Variants in PSD3 observed in about 807,000 individuals in gnomAD.
PSD3 encodes PH and SEC7 domain-containing protein 3.
Under a neutral mutation model 105.5 loss-of-function variants are expected in PSD3, and 49 were observed. That is an observed-to-expected ratio of 0.46 (90% CI 0.37 to 0.59). The LOEUF is 0.59. Among genes scored for constraint, PSD3 ranks in the 20% least tolerant of loss-of-function variants. The pLI, the probability that PSD3 is intolerant of heterozygous loss-of-function variation, is 0.00. For missense variants in PSD3, 1,561 were observed against 1,263.8 expected (o/e 1.24, Z -3.57); for synonymous variants, 557 against 457.8 (o/e 1.22, Z -2.77).
At chr8:18,651,618 TA>T (rs1006460862) in intron 10 of PSD3, among the ~76,000 whole-genome samples, 3 of 152,208 alleles carry the variant, frequency 2.0e-5, no homozygotes, top group Admixed American at 6.5e-5. Flanking sequence ...GCTTACAATC[TA>T]ATGGCACATT....
chr8:18,714,916 G>C (rs746145214), intron 9 of PSD3, among the ~76,000 whole-genome samples: 1 of 152,156 alleles, frequency 6.6e-6, no homozygotes, highest in East Asian at 1.9e-4. Context: ...TACAGAAAAC[G>C]TGGCACATAT....
At chr8:19,019,419 G>A (rs1827289980) in intron 1 of PSD3, among the ~76,000 whole-genome samples, 1 of 152,046 alleles carries the variant, frequency 6.6e-6, no homozygotes, top group East Asian at 1.9e-4. Context: ...AAAGGAAAGG[G>A]TTTTTATTTT....
At chr8:18,723,379 T>C (rs1162763514) in intron 9 of PSD3, among the ~76,000 whole-genome samples, 1 of 152,256 alleles carries the variant, frequency 6.6e-6, no homozygotes, top group East Asian at 1.9e-4. Flanking sequence ...AATTTTTCTT[T>C]CATTTTTGCA....
chr8:18,608,649 T>A (rs1389030253), intron 11 of PSD3, among the ~76,000 whole-genome samples: 1 of 152,222 alleles, frequency 6.6e-6, no homozygotes, highest in Non-Finnish European at 1.5e-5. Flanking sequence ...TTTGTAAAAG[T>A]GAAATGCTTA....
intron 9 of PSD3, among the ~76,000 whole-genome samples, chr8:18,690,146 G>C (rs909413817): frequency 6.6e-6 from 1 of 152,152 alleles, no homozygotes; most frequent in Non-Finnish European, 1.5e-5. Flanking sequence ...ATAGAGGCCA[G>C]CTACTCATAA....
chr8:18,977,824 A>T (rs1175397390), intron 1 of PSD3, among the ~76,000 whole-genome samples: 2 of 152,038 alleles, frequency 1.3e-5, no homozygotes, highest in East Asian at 3.8e-4. Flanking sequence ...CTATTTTCTG[A>T]TTTTCCTAAA....
chr8:19,007,119 T>G (rs537601916), intron 1 of PSD3, among the ~76,000 whole-genome samples: 43 of 152,054 alleles, frequency 2.8e-4, no homozygotes, highest in African/African-American at 1.0e-3. Flanking sequence ...CAGGCATGAT[T>G]GGTGCACACC....
At chr8:19,083,774 T>C (rs1034467136) in intron 1 of PSD3, among the ~76,000 whole-genome samples, 1 of 152,204 alleles carries the variant, frequency 6.6e-6, no homozygotes, top group Non-Finnish European at 1.5e-5. Flanking sequence ...CAGTCACATC[T>C]CCATCCCCTC....
chr8:18,920,626 C>T (rs184436998), intron 2 of PSD3, among the ~76,000 whole-genome samples: 3 of 152,322 alleles, frequency 2.0e-5, no homozygotes, highest in Admixed American at 2.0e-4. Context: ...AAGTAAAAAA[C>T]CTTTTATTGA....
intron 9 of PSD3, among the ~76,000 whole-genome samples, chr8:18,667,904 C>T (rs569956813): frequency 7.2e-4 from 109 of 152,372 alleles, no homozygotes; most frequent in Non-Finnish European, 1.2e-3. Flanking sequence ...ACCCGGTGCA[C>T]CCTCCACAGC....
At chr8:18,774,233 G>A (rs1807816997) in intron 8 of PSD3, among the ~76,000 whole-genome samples, 1 of 152,042 alleles carries the variant, frequency 6.6e-6, no homozygotes, top group South Asian at 2.1e-4. Flanking sequence ...TATAAACAGA[G>A]TTTTTAAAAA....
intron 1 of PSD3, among the ~76,000 whole-genome samples, chr8:18,937,050 C>A (rs1053289205): frequency 6.6e-6 from 1 of 152,156 alleles, no homozygotes; most frequent in Non-Finnish European, 1.5e-5. Flanking sequence ...TTATTTGAAA[C>A]AAGAACTACA....
Position 18,871,069 on chromosome 8 carries a change from G to A in PSD3, c.1238+557C>T, listed in dbSNP as rs181967397. On this transcript the variant is annotated intron_variant, in intron 3 of 15. Coordinates refer to ENST00000327040, the MANE Select transcript of PSD3 (RefSeq NM_015310.4). ...AGCCGTGATCACACCACCATACTCCGGCCCGGGGGACAGAACAAGACCCTG... is the reference window on the plus strand; with the variant it reads ...AGCCGTGATCACACCACCATACTCCAGCCCGGGGGACAGAACAAGACCCTG... 1.1e-3 allele frequency among the ~76,000 whole-genome samples: 170 copies of A among 152,240 alleles called. 1 individual carries two copies. The highest frequency in any genetic ancestry group is 4.0e-3 in the African/African-American group (166 of 41,540).
intron 15 of PSD3, among the ~76,000 whole-genome samples, chr8:18,553,416 G>C (rs935619433): frequency 2.6e-5 from 4 of 152,214 alleles, no homozygotes; most frequent in African/African-American, 9.6e-5. Flanking sequence ...TTCTGGTCCT[G>C]TTAAAACAAT....
intron 1 of PSD3, among the ~76,000 whole-genome samples, chr8:19,042,333 T>G (rs952661245): frequency 5.3e-5 from 8 of 152,110 alleles, no homozygotes; most frequent in Non-Finnish European, 1.0e-4. Flanking sequence ...AAATGTGGGG[T>G]GATGGCTTCC....
At chr8:18,861,177 G>C (rs1816407303) in intron 4 of PSD3, among the ~76,000 whole-genome samples, 1 of 152,166 alleles carries the variant, frequency 6.6e-6, no homozygotes, top group East Asian at 1.9e-4. Context: ...AACAACCAAT[G>C]ACCAGTGCAC....
At chr8:18,559,519 A>G (rs959277862) in intron 14 of PSD3, among the ~76,000 whole-genome samples, 1 of 152,122 alleles carries the variant, frequency 6.6e-6, no homozygotes, top group African/African-American at 2.4e-5. Flanking sequence ...AACTCTTTCT[A>G]TTTGTGGTTA....
At chr8:19,003,332 G>A (rs577665122) in intron 1 of PSD3, among the ~76,000 whole-genome samples, 33 of 151,870 alleles carry the variant, frequency 2.2e-4, no homozygotes, top group African/African-American at 7.5e-4. Flanking sequence ...GATGGCGCCT[G>A]GGAGTAGTCA....
intron 9 of PSD3, among the ~76,000 whole-genome samples, chr8:18,720,235 T>C (rs540890663): frequency 1.3e-5 from 2 of 152,252 alleles, no homozygotes; most frequent in South Asian, 4.1e-4. Flanking sequence ...AACATAACCA[T>C]ATTTTATTAA....
Sources: allele counts gnomAD v4.1 joint callset (sites outside exome capture counted in the v4.1 genomes callset), GRCh38; gene constraint gnomAD v4.1.1; transcripts MANE v1.5; gene names NCBI Gene and HGNC (gene_info 2026-07-23, HGNC 2026-07-21).